ZNF236: variants seen among roughly 807,000 people sequenced by gnomAD.
The protein encoded by ZNF236 is regulated by glucose.
A neutral mutation model predicts 191.2 loss-of-function variants in ZNF236; 50 were observed. The observed-to-expected ratio is 0.26, with a 90% CI of 0.21 to 0.33. ZNF236 has a LOEUF of 0.33. Ranked by LOEUF, ZNF236 falls within the 10% of genes least tolerant of loss-of-function variation. The pLI is 1.00. For synonymous variants in ZNF236, 907 were observed against 928.8 expected (o/e 0.98, Z 0.43); for missense variants, 1,754 against 2,374.5 (o/e 0.74, Z 5.43).
rs149393951 is a variant in ZNF236 at position 76,917,734 on chromosome 18, G to A, written c.3274+1875G>A. On this transcript the variant is annotated intron_variant, in intron 19 of 30. Transcript: ENST00000320610. ...GCTATACTGATTGTGTTCTCAGTTCGTTAAAGAATGTTAACAGAGTTACCT... is the reference window on the plus strand; with the variant it reads ...GCTATACTGATTGTGTTCTCAGTTCATTAAAGAATGTTAACAGAGTTACCT... Among the ~76,000 whole-genome samples the A allele has an allele frequency of 2.4e-4, 37 of 152,210 alleles. No individual in the cohort carries two copies. In the East Asian group the frequency reaches 6.4e-3, roughly 26 times the overall value.
chr18:76,854,150 A>G (rs1750829688), intron 3 of ZNF236, among the ~76,000 whole-genome samples: 2 of 152,212 alleles, frequency 1.3e-5, no homozygotes, highest in Non-Finnish European at 2.9e-5. Context: ...ATACCAAAAC[A>G]TCATGTGGTA....
chr18:76,900,389 G>A (rs1223110022), intron 11 of ZNF236, among the ~76,000 whole-genome samples: 1 of 152,178 alleles, frequency 6.6e-6, no homozygotes, highest in Non-Finnish European at 1.5e-5. Context: ...TAAAACGGAA[G>A]ATTTGAGCAC....
In ZNF236 at chr18:76,868,960, C is replaced by T. The variant is rs980068305; in HGVS notation, c.542+97C>T. 3.2e-6 allele frequency: 4 copies of T among 1,247,390 alleles called. No homozygotes were observed. In the African/African-American group the frequency reaches 6.0e-5, roughly 19 times the overall value. The allele number at this position is 1,247,390 out of a possible 1,614,324, so 77.3% of individuals were successfully genotyped here. ...CCACTGGAAATATTTGCTGCAAGAA[C>T]CCAGCAAAGTGGAACCCCACAGATA... is the stretch of plus-strand genomic sequence containing the variant. On this transcript the variant is annotated intron_variant, in intron 4 of 30. Coordinates refer to ENST00000320610, the MANE Select transcript of ZNF236 (RefSeq NM_001306089.2).
chr18:76,899,310 T>A, intron 11 of ZNF236, 88 bp downstream of exon 11: 1 of 1,170,634 alleles, frequency 8.5e-7, no homozygotes, highest in Non-Finnish European at 1.2e-6. Context: ...TTATGGTCTC[T>A]GTAGTTAAAT....
intron 30 of ZNF236, among the ~76,000 whole-genome samples, chr18:76,961,958 T>A (rs1323375536): frequency 6.6e-6 from 1 of 152,232 alleles, no homozygotes; most frequent in Admixed American, 6.5e-5. Context: ...CGTTGTAGAT[T>A]CTGGATATTA....
intron 20 of ZNF236, among the ~76,000 whole-genome samples, chr18:76,922,660 G>C (rs1290430693): frequency 1.3e-5 from 2 of 151,768 alleles, no homozygotes; most frequent in Non-Finnish European, 2.9e-5. Flanking sequence ...GGGTTCAAGC[G>C]ATTCTCCTGT....
chr18:76,860,674 C>T (rs1393231881), intron 3 of ZNF236, among the ~76,000 whole-genome samples: 1 of 152,208 alleles, frequency 6.6e-6, no homozygotes, highest in African/African-American at 2.4e-5. Flanking sequence ...ACCCTCAGTT[C>T]TGTTTGTAAA....
chr18:76,822,804 G>T (rs1378530451), intron 1 of ZNF236, 142 bp downstream of exon 1: 1 of 145,606 alleles, frequency 6.9e-6, no homozygotes, highest in African/African-American at 2.5e-5. Flanking sequence ...CGCCGCCGCC[G>T]CCGACTGGCC....
chr18:76,946,293 T>C (rs9948088), intron 26 of ZNF236, among the ~76,000 whole-genome samples: 7,290 of 152,278 alleles, frequency 0.048, 312 homozygotes, highest in African/African-American at 0.11. Context: ...TAAGATGTGA[T>C]TTGCTCCTTC....
Position 76,910,796 on chromosome 18 carries a change from T to C in ZNF236, c.2790T>C (p.Ser930=). 6.2e-7 allele frequency: 1 copy of C among 1,614,158 alleles called. No homozygotes were observed. The highest frequency in any genetic ancestry group is 8.5e-7 in the Non-Finnish European group (1 of 1,180,014). ...HQQSLLQAPS[S]DGMNVTTRLI... ...AGAGCTTGCTGCAGGCTCCCAGCTC[T>C]GATGGGATGAATGTAGTGAGTATGG... is the stretch of plus-strand genomic sequence containing the variant. Residue 930 remains serine (S), a synonymous_variant, in exon 16 of 31, where the codon TCT becomes TCC. Transcript: ENST00000320610.
intron 30 of ZNF236, among the ~76,000 whole-genome samples, chr18:76,967,483 T>A (rs1968806713): frequency 1.9e-5 from 2 of 104,706 alleles, no homozygotes; most frequent in Admixed American, 1.1e-4. Flanking sequence ...GTGTTAGGGG[T>A]GGTGATGTGA....
chr18:76,869,219 C>T (rs1047639195), intron 4 of ZNF236, among the ~76,000 whole-genome samples: 1 of 152,216 alleles, frequency 6.6e-6, no homozygotes, highest in African/African-American at 2.4e-5. Flanking sequence ...ACCGTTAAAA[C>T]TCATATGTGC....
rs1404967676 is a variant in ZNF236, at chr18:76,947,650, C to G, written c.4912C>G (p.Gln1638Glu). The change falls in exon 27 of 31, where the codon CAG becomes GAG. Residue 1638 changes from glutamine to glutamate, a missense_variant and splice_region_variant. Gln to Glu is a conservative substitution (Grantham distance 29). Around this residue, in one of 5 missense-constraint regions of ZNF236, gnomAD observed 606 missense variants for 761.5 expected, o/e 0.80. Transcript: ENST00000320610. ...TGCTGCTTGTGAAGAAATAGCCTAC[C>G]AGGTACAGGATATTCCTTCATTCAC... ...ASAACEEIAY[Q>E]VAGVSGNLAP... The G allele has an allele frequency of 6.2e-7, 1 of 1,613,060 alleles. No homozygotes were observed. The highest frequency in any genetic ancestry group is 8.5e-7 in the Non-Finnish European group (1 of 1,179,482).
intron 1 of ZNF236, chr18:76,824,165 G>T: frequency 1.6e-6 from 1 of 611,582 alleles, no homozygotes; most frequent in East Asian, 2.8e-5. Flanking sequence ...GTCGGGCCTG[G>T]AAACTACAAA....
At chr18:76,908,936 T>G (rs903406943) in intron 14 of ZNF236, among the ~76,000 whole-genome samples, 1 of 150,654 alleles carries the variant, frequency 6.6e-6, no homozygotes, top group African/African-American at 2.5e-5. Context: ...CATACAAATA[T>G]GCAGGGGTGT....
chr18:76,915,677 A>G lies in ZNF236; in HGVS notation c.3092A>G (p.Asn1031Ser). Reference protein sequence around the residue: ...GVKAFSCSVCNASFTTNGSLT... With the variant: ...GVKAFSCSVCSASFTTNGSLT... ...AAGGCGTTCAGCTGCAGTGTGTGCA[A>G]TGCTTCCTTCACCACCAATGGCAGC... is the stretch of plus-strand genomic sequence containing the variant. The change falls in exon 19 of 31, where the codon AAT becomes AGT. Residue 1031 changes from asparagine (N) to serine (S), a missense_variant. This residue lies in a region of ZNF236 where 641 missense variants were observed against 869.6 expected (regional missense o/e 0.74). Coordinates refer to ENST00000320610, the MANE Select transcript of ZNF236 (RefSeq NM_001306089.2). 1 of 1,614,114 alleles carries G rather than the reference A, an allele frequency of 6.2e-7. No homozygotes were observed. The highest frequency in any genetic ancestry group is 1.1e-5 in the South Asian group (1 of 91,072).
At chr18:76,920,642 C>T (rs1247989583) in intron 20 of ZNF236, among the ~76,000 whole-genome samples, 2 of 152,012 alleles carry the variant, frequency 1.3e-5, no homozygotes, top group Non-Finnish European at 2.9e-5. Context: ...ACAAATGTAT[C>T]CATTGAGGAA....
chr18:76,883,607 T>C (rs1399364523), intron 9 of ZNF236, among the ~76,000 whole-genome samples: 1 of 152,012 alleles, frequency 6.6e-6, no homozygotes, highest in Non-Finnish European at 1.5e-5. Flanking sequence ...ACACTTCTTT[T>C]TGTAGAGCTG....
intron 4 of ZNF236, among the ~76,000 whole-genome samples, chr18:76,871,131 C>T (rs1976573432): frequency 6.6e-6 from 1 of 152,136 alleles, no homozygotes; most frequent in African/African-American, 2.4e-5. Context: ...AGTGTGACTC[C>T]TGAGACTTAA....
Sources: gnomAD v4.1 joint callset for allele counts (sites outside exome capture counted in the v4.1 genomes callset) on GRCh38, gnomAD v4.1.1 for gene constraint, gnomAD v4.1.1 regional missense constraint, MANE v1.5 for transcripts, NCBI Gene and HGNC (gene_info 2026-07-23, HGNC 2026-07-21) for gene names.